Variants in EXOC6B observed in about 807,000 individuals in gnomAD.
The protein encoded by EXOC6B is SEC15 homolog B.
In EXOC6B, 54 loss-of-function variants were observed where a neutral mutation model predicts 113.5. The observed-to-expected ratio is 0.48, with a 90% confidence interval of 0.38 to 0.60. The LOEUF (loss-of-function observed/expected upper bound fraction) is 0.60, where lower values mean the gene tolerates loss of function less well. Ranked by LOEUF, EXOC6B falls within the 20% of genes least tolerant of loss-of-function variation. The probability of loss-of-function intolerance (pLI) is 0.00; values close to 1 mark genes in which losing one functional copy is unlikely to be tolerated. For missense variants in EXOC6B, 797 were observed against 977.5 expected (o/e 0.82, Z 2.46); for synonymous variants, 357 against 339.0 (o/e 1.05, Z -0.58).
At chr2:72,432,236 A>G (rs1301066619) in intron 18 of EXOC6B, among the ~76,000 whole-genome samples, 1 of 151,902 alleles carries the variant, frequency 6.6e-6, no homozygotes, top group Non-Finnish European at 1.5e-5. Flanking sequence ...CAGTTTCACC[A>G]TGTTGGTCAA....
intron 7 of EXOC6B, among the ~76,000 whole-genome samples, chr2:72,562,428 T>A (rs1175551662): frequency 6.6e-6 from 1 of 152,260 alleles, no homozygotes. Context: ...TACTTCTTCC[T>A]TTTCTTTGAC....
chr2:72,659,659 C>T (rs1369218969), intron 6 of EXOC6B, among the ~76,000 whole-genome samples: 1 of 152,046 alleles, frequency 6.6e-6, no homozygotes, highest in East Asian at 1.9e-4. Context: ...AAGCTGGAAC[C>T]AGAACAAGAT....
At chr2:72,788,309 A>C (rs186245890) in intron 1 of EXOC6B, among the ~76,000 whole-genome samples, 1 of 152,226 alleles carries the variant, frequency 6.6e-6, no homozygotes. Context: ...CAGTACAAAT[A>C]TAAGTGTGAA....
At chr2:72,436,748 A>G (rs1309235706) in intron 18 of EXOC6B, among the ~76,000 whole-genome samples, 3 of 152,078 alleles carry the variant, frequency 2.0e-5, no homozygotes, top group Admixed American at 6.6e-5. Context: ...TTTCAGCTCC[A>G]TCAGGTCCCT....
At chr2:72,609,481 C>T (rs555680920) in intron 6 of EXOC6B, among the ~76,000 whole-genome samples, 15 of 150,136 alleles carry the variant, frequency 1.0e-4, no homozygotes, top group East Asian at 7.8e-4. Flanking sequence ...TCCCCCTCTG[C>T]GAGAAACACC....
chr2:72,350,270 A>G (rs984361987), intron 19 of EXOC6B, among the ~76,000 whole-genome samples: 3 of 152,214 alleles, frequency 2.0e-5, no homozygotes, highest in Non-Finnish European at 4.4e-5. Context: ...TTCCTAGAAG[A>G]AGTTAACATT....
At chr2:72,409,599 C>A (rs968418791) in intron 18 of EXOC6B, among the ~76,000 whole-genome samples, 20 of 151,880 alleles carry the variant, frequency 1.3e-4, no homozygotes, top group Non-Finnish European at 1.6e-4. Flanking sequence ...CCATCATTCT[C>A]AGCAAACTAT....
intron 1 of EXOC6B, among the ~76,000 whole-genome samples, chr2:72,791,027 C>T (rs140421761): frequency 7.4e-4 from 112 of 152,148 alleles, no homozygotes; most frequent in African/African-American, 2.6e-3. Context: ...CAGTATTCTA[C>T]GGCATTACAG....
intron 7 of EXOC6B, among the ~76,000 whole-genome samples, chr2:72,572,734 G>C (rs1405310373): frequency 1.3e-5 from 2 of 152,178 alleles, no homozygotes; most frequent in Admixed American, 6.5e-5. Context: ...TTCACACCAT[G>C]CAAGAACTAT....
intron 6 of EXOC6B, among the ~76,000 whole-genome samples, chr2:72,578,861 A>G (rs1245130838): frequency 6.6e-6 from 1 of 152,154 alleles, no homozygotes; most frequent in Admixed American, 6.5e-5. Flanking sequence ...ACGGCAAGTA[A>G]CTTTGTATAA....
rs1573148897 is a variant in EXOC6B at position 72,451,025 on chromosome 2, G to A, written c.1980+14135C>T. Among the ~76,000 whole-genome samples the A allele has an allele frequency of 3.3e-5, 5 of 152,138 alleles. No individual in the cohort carries two copies. The South Asian group carries it at 6.2e-4, about 19-fold the overall frequency. ...ACAATTACTTGTACCCTAGGGAACC[G>A]ATACCTCCTATTTCCTTTACCACCT... On this transcript the variant is annotated intron_variant, in intron 18 of 21. Coordinates refer to ENST00000272427, the MANE Select transcript of EXOC6B (RefSeq NM_015189.3).
intron 1 of EXOC6B, among the ~76,000 whole-genome samples, chr2:72,758,076 T>C (rs969037214): frequency 6.7e-6 from 1 of 148,160 alleles, no homozygotes; most frequent in African/African-American, 2.5e-5. Flanking sequence ...GGAGGGAGGA[T>C]CACTTGAACC....
At chr2:72,241,841 T>A (rs993128000) in intron 20 of EXOC6B, among the ~76,000 whole-genome samples, 1 of 152,142 alleles carries the variant, frequency 6.6e-6, no homozygotes, top group Admixed American at 6.5e-5. Flanking sequence ...CTGGTAGACC[T>A]GCTCGCAAGA....
chr2:72,556,798 G>C (rs573683560), intron 8 of EXOC6B, among the ~76,000 whole-genome samples: 10 of 151,826 alleles, frequency 6.6e-5, no homozygotes, highest in Non-Finnish European at 1.5e-4. Flanking sequence ...ATTGATGGAT[G>C]TGATTACATG....
At chr2:72,777,904 C>A (rs1214281739) in intron 1 of EXOC6B, among the ~76,000 whole-genome samples, 1 of 151,818 alleles carries the variant, frequency 6.6e-6, no homozygotes, top group Non-Finnish European at 1.5e-5. Flanking sequence ...TTAATTGTAA[C>A]CCCCAGAAAA....
At chr2:72,785,681 C>T (rs1187057889) in intron 1 of EXOC6B, among the ~76,000 whole-genome samples, 1 of 152,236 alleles carries the variant, frequency 6.6e-6, no homozygotes, top group Non-Finnish European at 1.5e-5. Context: ...AATCCCTAGG[C>T]TGCACACAGC....
At chr2:72,554,127 T>C (rs1703399394) in intron 8 of EXOC6B, among the ~76,000 whole-genome samples, 1 of 152,184 alleles carries the variant, frequency 6.6e-6, no homozygotes, top group Non-Finnish European at 1.5e-5. Context: ...AACAATCTTG[T>C]TTGTGCCCTA....
intron 20 of EXOC6B, among the ~76,000 whole-genome samples, chr2:72,263,988 C>A (rs1683895016): frequency 6.6e-6 from 1 of 152,138 alleles, no homozygotes; most frequent in South Asian, 2.1e-4. Context: ...CTTAGAATAC[C>A]ACAGAGTTGG....
At chr2:72,660,819 CT>C (rs201934111) in intron 6 of EXOC6B, among the ~76,000 whole-genome samples, 32,057 of 143,822 alleles carry the variant, frequency 0.22, 5,528 homozygotes, top group African/African-American at 0.49. Flanking sequence ...CTAAGTTTAC[CT>C]TTTTTTTTTT....
Sources: gnomAD v4.1 joint callset for allele counts (sites outside exome capture counted in the v4.1 genomes callset) on GRCh38, gnomAD v4.1.1 for gene constraint, MANE v1.5 for transcripts, NCBI Gene and HGNC (gene_info 2026-07-23, HGNC 2026-07-21) for gene names.